The following KLHL13 variants were observed in gnomAD, a reference collection of about 807,000 sequenced individuals.
KLHL13 encodes kelch like family member 13, also known as kelch-like protein 13.
A neutral mutation model predicts 37.1 loss-of-function variants in KLHL13; 10 were observed. The ratio of observed to expected loss-of-function variants is 0.27; its 90% confidence interval spans 0.17 to 0.46. The LOEUF (loss-of-function observed/expected upper bound fraction) is 0.46, where lower values mean the gene tolerates loss of function less well. Ranked by LOEUF, KLHL13 falls within the 20% of genes least tolerant of loss-of-function variation. KLHL13 has a pLI of 1.00. For missense variants in KLHL13, 360 were observed against 509.3 expected (o/e 0.71, Z 2.82); for synonymous variants, 163 against 181.2 (o/e 0.90, Z 0.81).
chrX:117,958,387 A>G (rs969143531), intron 1 of KLHL13, among the ~76,000 whole-genome samples: 4 of 110,501 alleles, frequency 3.6e-5, no homozygotes, highest in Non-Finnish European at 5.7e-5. Flanking sequence ...ATATCTTATC[A>G]TACTGTACTC....
intron 1 of KLHL13, among the ~76,000 whole-genome samples, chrX:118,081,940 TTGTGTGTGTGTGTG>T (rs762989393): frequency 1.0e-5 from 1 of 97,672 alleles, no homozygotes; most frequent in African/African-American, 3.7e-5. Context: ...TAGTATTCCA[TTGTGTGTGTGTGTG>T]TGTGTGTGTG....
chrX:118,086,989 A>G (rs1329519823), intron 1 of KLHL13, among the ~76,000 whole-genome samples: 2 of 111,638 alleles, frequency 1.8e-5, no homozygotes, highest in African/African-American at 6.5e-5. Flanking sequence ...AAAAAAAACT[A>G]TTATTTTTTA....
At chrX:117,898,538 G>C (rs1425987808) in exon 7 of KLHL13, 1 of 138,860 alleles carries the variant, frequency 7.2e-6, no homozygotes, top group East Asian at 2.1e-4. Context: ...AGTGAGCACA[G>C]TTGTACATTT....
At chrX:117,964,142 T>C (rs766178668) in intron 1 of KLHL13, among the ~76,000 whole-genome samples, 24 of 102,738 alleles carry the variant, frequency 2.3e-4, no homozygotes, top group African/African-American at 8.6e-4. Flanking sequence ...TGTATACATA[T>C]GTAACTAACC....
intron 1 of KLHL13, among the ~76,000 whole-genome samples, chrX:117,997,281 C>T (rs768421422): frequency 2.7e-5 from 3 of 109,772 alleles, no homozygotes; most frequent in African/African-American, 3.3e-5. Context: ...TTAAACAAAA[C>T]GTTTCCCTTT....
chrX:118,063,019 A>T (rs1407589393), intron 1 of KLHL13, among the ~76,000 whole-genome samples: 2 of 111,967 alleles, frequency 1.8e-5, no homozygotes, highest in East Asian at 5.6e-4. Context: ...AATTAACTGA[A>T]TATGCAAAAC....
intron 2 of KLHL13, among the ~76,000 whole-genome samples, chrX:117,941,858 TTTC>T (rs1184952645): frequency 9.0e-6 from 1 of 111,703 alleles, no homozygotes; most frequent in Non-Finnish European, 1.9e-5. Context: ...ATCTTAGTTA[TTTC>T]TTGTCGTCTG....
At chrX:118,054,073 T>TA (rs2054659540) in intron 1 of KLHL13, among the ~76,000 whole-genome samples, 1 of 111,243 alleles carries the variant, frequency 9.0e-6, no homozygotes, top group Non-Finnish European at 1.9e-5. Context: ...TGAGTGAAGA[T>TA]AAAAAACTGC....
At chrX:117,981,255 T>C (rs2053658340) in intron 1 of KLHL13, among the ~76,000 whole-genome samples, 1 of 112,326 alleles carries the variant, frequency 8.9e-6, no homozygotes, top group Non-Finnish European at 1.9e-5. Context: ...ACAGCTTGTT[T>C]TGGCATTAGG....
chrX:117,999,306 ATGAGAGAC>A (rs2053892766), intron 1 of KLHL13, among the ~76,000 whole-genome samples: 1 of 111,375 alleles, frequency 9.0e-6, no homozygotes, highest in Non-Finnish European at 1.9e-5. Flanking sequence ...ATGTCCAACA[ATGAGAGAC>A]TGGATTAAGA....
At chrX:118,063,958 G>C (rs2054769329) in intron 1 of KLHL13, among the ~76,000 whole-genome samples, 1 of 111,564 alleles carries the variant, frequency 9.0e-6, no homozygotes, top group South Asian at 3.7e-4. Flanking sequence ...CCTAGCAGCT[G>C]TTATATATTT....
At chrX:117,950,993 A>T (rs930237738) in intron 1 of KLHL13, among the ~76,000 whole-genome samples, 3 of 112,249 alleles carry the variant, frequency 2.7e-5, no homozygotes, top group Non-Finnish European at 5.6e-5. Context: ...TTAAGATGGT[A>T]GAAGCCATTT....
intron 2 of KLHL13, among the ~76,000 whole-genome samples, chrX:117,927,210 TA>T (rs982758572): frequency 9.0e-6 from 1 of 110,932 alleles, no homozygotes; most frequent in Non-Finnish European, 1.9e-5. Flanking sequence ...ACTTCTTTCT[TA>T]AAGAGAAGAA....
chrX:117,981,928 T>C (rs2053666235), intron 1 of KLHL13, among the ~76,000 whole-genome samples: 1 of 111,176 alleles, frequency 9.0e-6, no homozygotes, highest in Non-Finnish European at 1.9e-5. Context: ...CTTAGTATAT[T>C]AACCATTACT....
chrX:117,909,336 T>C, exon 5 of KLHL13: 1 of 1,204,092 alleles, frequency 8.3e-7, no homozygotes, highest in Non-Finnish European at 1.1e-6. Flanking sequence ...ACCAACTGCA[T>C]ACAGATATCC....
intron 1 of KLHL13, among the ~76,000 whole-genome samples, chrX:117,979,878 T>G (rs767642213): frequency 1.8e-4 from 20 of 111,912 alleles, no homozygotes; most frequent in Admixed American, 4.7e-4. Flanking sequence ...TTTAGTCATC[T>G]CTCAGCAACT....
chrX:118,075,460 G>T (rs1235208350), intron 1 of KLHL13, among the ~76,000 whole-genome samples: 2 of 110,367 alleles, frequency 1.8e-5, no homozygotes, highest in East Asian at 5.6e-4. Flanking sequence ...AACTGATAGA[G>T]TAATTCAAAC....
chrX:118,110,733 C>T (rs992436923), intron 1 of KLHL13, among the ~76,000 whole-genome samples: 1 of 111,583 alleles, frequency 9.0e-6, no homozygotes, highest in Non-Finnish European at 1.9e-5. Context: ...AAATGTTCAA[C>T]AACTGCAAAA....
At chrX:117,931,092 A>G (rs1159221373) in intron 2 of KLHL13, among the ~76,000 whole-genome samples, 2 of 112,102 alleles carry the variant, frequency 1.8e-5, no homozygotes, top group Non-Finnish European at 3.8e-5. Context: ...TAATCTGTAT[A>G]GGCTCTTACA....
Sources: gnomAD v4.1 joint callset for allele counts (sites outside exome capture counted in the v4.1 genomes callset) on GRCh38, gnomAD v4.1.1 for gene constraint, MANE v1.5 for transcripts, NCBI Gene and HGNC (gene_info 2026-07-23, HGNC 2026-07-21) for gene names.